SMYD3: variants seen among roughly 807,000 people sequenced by gnomAD.
The protein encoded by SMYD3 is SET and MYND domain containing 3.
In SMYD3, 36 loss-of-function variants were observed where a neutral mutation model predicts 57.7. The observed-to-expected ratio is 0.62, with a 90% CI of 0.48 to 0.82. The LOEUF (loss-of-function observed/expected upper bound fraction) is 0.82. Ranked by LOEUF, SMYD3 falls within the 40% of genes least tolerant of loss-of-function variation. The pLI is 0.00. For synonymous variants in SMYD3, 211 were observed against 195.0 expected, an observed-to-expected ratio of 1.08 and a Z score of -0.68; for missense variants, 515 against 538.8, an observed-to-expected ratio of 0.96 and a Z score of 0.44.
At chr1:246,086,851 A>G (rs1213644449) in intron 5 of SMYD3, among the ~76,000 whole-genome samples, 3 of 152,008 alleles carry the variant, frequency 2.0e-5, no homozygotes, top group Non-Finnish European at 2.9e-5. Flanking sequence ...CCCAACACAC[A>G]TTAGCAATTT....
chr1:246,426,063 A>G (rs1453394450), intron 1 of SMYD3: 2 of 152,150 alleles, frequency 1.3e-5, no homozygotes, highest in African/African-American at 4.8e-5. Flanking sequence ...AAGGAGTTTA[A>G]TCTATAACTG....
intron 11 of SMYD3, among the ~76,000 whole-genome samples, chr1:245,753,540 T>A (rs1456731365): frequency 6.6e-6 from 1 of 152,152 alleles, no homozygotes; most frequent in East Asian, 1.9e-4. Flanking sequence ...CACCTGGGCC[T>A]ATGGGTGAGC....
chr1:245,940,056 A>G (rs4449989), intron 5 of SMYD3, among the ~76,000 whole-genome samples: 94,488 of 152,048 alleles, frequency 0.62, 34,997 homozygotes, highest in Non-Finnish European at 0.83. Context: ...TAGGTGGGTC[A>G]CAGATCCATC....
chr1:246,197,308 GGGAAAAGGA>G (rs539788560), intron 5 of SMYD3, among the ~76,000 whole-genome samples: 446 of 152,252 alleles, frequency 2.9e-3, no homozygotes, highest in Non-Finnish European at 5.0e-3. Flanking sequence ...CAGTGTGGAA[GGGAAAAGGA>G]GGAGCTCTGC....
chr1:246,218,874 C>T (rs2063208455), intron 5 of SMYD3, among the ~76,000 whole-genome samples: 1 of 152,142 alleles, frequency 6.6e-6, no homozygotes, highest in Non-Finnish European at 1.5e-5. Flanking sequence ...AATATCATAG[C>T]AAGACAATCA....
chr1:245,854,797 C>T (rs932767114), intron 10 of SMYD3, among the ~76,000 whole-genome samples: 4 of 152,044 alleles, frequency 2.6e-5, no homozygotes, highest in African/African-American at 9.7e-5. Context: ...GTGAACAGTT[C>T]TGAAGGGAAG....
intron 1 of SMYD3, among the ~76,000 whole-genome samples, chr1:246,476,550 A>T (rs146667313): frequency 6.6e-6 from 1 of 152,194 alleles, no homozygotes; most frequent in Non-Finnish European, 1.5e-5. Context: ...CTGCTACCCA[A>T]CTAAGCATCA....
chr1:246,179,821 C>A (rs943354101), intron 5 of SMYD3, among the ~76,000 whole-genome samples: 2 of 152,176 alleles, frequency 1.3e-5, no homozygotes, highest in African/African-American at 4.8e-5. Context: ...GACCCTCCAT[C>A]CACAGTCTCT....
At chr1:246,080,323 A>G (rs1048805559) in intron 5 of SMYD3, among the ~76,000 whole-genome samples, 3 of 151,976 alleles carry the variant, frequency 2.0e-5, no homozygotes, top group Non-Finnish European at 4.4e-5. Flanking sequence ...TGGAGCTCAG[A>G]AAAGTGGCAG....
chr1:246,135,918 G>GTA (rs2061659515), intron 5 of SMYD3, among the ~76,000 whole-genome samples: 1 of 152,120 alleles, frequency 6.6e-6, no homozygotes, highest in Admixed American at 6.5e-5. Flanking sequence ...ATTGTATAAT[G>GTA]TATATCAAGT....
intron 5 of SMYD3, among the ~76,000 whole-genome samples, chr1:245,936,916 C>G (rs1158136428): frequency 6.6e-6 from 1 of 151,846 alleles, no homozygotes; most frequent in African/African-American, 2.4e-5. Flanking sequence ...TTAAACCATG[C>G]GATATCACGT....
rs576012962 is a variant in SMYD3, at chr1:246,400,380, T to G, written c.165-45286A>C. On this transcript the variant is annotated intron_variant, in intron 1 of 11. Coordinates refer to ENST00000490107, the MANE Select transcript of SMYD3 (RefSeq NM_001167740.2). ...AGCTACTACTTGCATTTCAACATTT[T>G]ATTTCAAAGCCATTATTTATTTGTT... Among the ~76,000 whole-genome samples the G allele has an allele frequency of 2.6e-5, 4 of 152,332 alleles. No homozygotes were observed. The South Asian group carries it at 8.3e-4, about 32-fold the overall frequency.
chr1:245,883,507 A>AG (rs774607630), intron 8 of SMYD3, among the ~76,000 whole-genome samples: 3 of 152,214 alleles, frequency 2.0e-5, no homozygotes, highest in African/African-American at 4.8e-5. Context: ...CTTAAAAACT[A>AG]GGGGAAAAAA....
chr1:246,352,957 G>A (rs565136938), intron 2 of SMYD3, among the ~76,000 whole-genome samples: 4 of 152,116 alleles, frequency 2.6e-5, no homozygotes, highest in Non-Finnish European at 5.9e-5. Flanking sequence ...ATAATCTGTC[G>A]CTTCTCTATG....
At chr1:245,825,167 A>G (rs1431184520) in intron 10 of SMYD3, among the ~76,000 whole-genome samples, 1 of 152,170 alleles carries the variant, frequency 6.6e-6, no homozygotes, top group African/African-American at 2.4e-5. Context: ...TAAGACAGAC[A>G]TTAAAGGAAG....
intron 1 of SMYD3, among the ~76,000 whole-genome samples, chr1:246,424,595 T>C (rs2067189605): frequency 6.6e-6 from 1 of 152,206 alleles, no homozygotes; most frequent in South Asian, 2.1e-4. Context: ...TTTACTGTAA[T>C]ATGGTCATTC....
At chr1:246,292,127 C>CAACACACCAGCATCTTAGACTTACTATCT (rs2064704603) in intron 5 of SMYD3, among the ~76,000 whole-genome samples, 3 of 150,808 alleles carry the variant, frequency 2.0e-5, no homozygotes, top group Admixed American at 6.6e-5. Context: ...ACTTACTATC[C>CAACACACCAGCATCTTAGACTTACTATCT]AACACACCAG....
chr1:245,938,640 T>G (rs1259272250), intron 5 of SMYD3, among the ~76,000 whole-genome samples: 1 of 152,224 alleles, frequency 6.6e-6, no homozygotes, highest in Non-Finnish European at 1.5e-5. Flanking sequence ...ATTCTTCCCC[T>G]TCTTCTTCCA....
intron 5 of SMYD3, among the ~76,000 whole-genome samples, chr1:246,155,070 C>T (rs1406847306): frequency 1.3e-5 from 2 of 151,940 alleles, no homozygotes; most frequent in South Asian, 2.1e-4. Flanking sequence ...CATGAGCCAC[C>T]GTGCCTGGCC....
Sources: gnomAD v4.1 joint callset for allele counts (sites outside exome capture counted in the v4.1 genomes callset) on GRCh38, gnomAD v4.1.1 for gene constraint, MANE v1.5 for transcripts, NCBI Gene and HGNC (gene_info 2026-07-23, HGNC 2026-07-21) for gene names.